The following CNGA4 variants were observed in gnomAD, a reference collection of about 807,000 sequenced individuals.
The protein encoded by CNGA4 is cyclic nucleotide gated channel subunit alpha 4, also known as cyclic nucleotide-gated channel alpha-4.
Under a neutral mutation model 45.6 loss-of-function variants are expected in CNGA4, and 32 were observed. The observed-to-expected ratio is 0.70, with a 90% confidence interval of 0.53 to 0.94. The LOEUF (loss-of-function observed/expected upper bound fraction) is 0.94. Among genes scored for constraint, CNGA4 ranks in the 40% least tolerant of loss-of-function variants. The probability of loss-of-function intolerance (pLI) is 0.00; values close to 1 mark genes in which losing one functional copy is unlikely to be tolerated. For missense variants in CNGA4, 726 were observed against 755.1 expected (o/e 0.96, Z 0.45); for synonymous variants, 293 against 304.6 (o/e 0.96, Z 0.40).
chr11:6,235,483 T>C (rs1477967050), upstream of CNGA4: 2 of 985,260 alleles, frequency 2.0e-6, no homozygotes, highest in Non-Finnish European at 2.4e-6. Flanking sequence ...GAGCAGCACT[T>C]AGCATGATTT....
intron 3 of CNGA4, 80 bp downstream of exon 3, chr11:6,239,870 A>C (rs1304907021): frequency 6.9e-7 from 1 of 1,444,710 alleles, no homozygotes; most frequent in African/African-American, 1.4e-5. Flanking sequence ...CAAGAAAGGC[A>C]CCCCCACCGT....
chr11:6,242,733 A>G (rs931885867), intron 5 of CNGA4, among the ~76,000 whole-genome samples: 5 of 152,182 alleles, frequency 3.3e-5, no homozygotes, highest in Admixed American at 6.5e-5. Context: ...GTGAGAATAA[A>G]TGAGCTATGT....
Position 6,241,675 on chromosome 11 carries a change from A to G in CNGA4, c.1162A>G (p.Ile388Val). The change falls in exon 5 of 6, where the codon ATC (isoleucine) becomes GTC (valine). Residue 388 changes from isoleucine to valine, a missense_variant. Ile to Val is a conservative substitution (Grantham distance 29, BLOSUM62 3). Transcript: ENST00000379936. ...AGACATTGGCCAAGAGATGTACATC[A>G]TCCGAGAGGGTCAACTGGCCGTGGT... ...KGDIGQEMYI[I>V]REGQLAVVAD... 6.2e-7 allele frequency: 1 copy of G among 1,614,208 alleles called. No homozygotes were observed. Among genetic ancestry groups the G allele is most frequent in the Non-Finnish European group, 8.5e-7 (1 of 1,180,036 alleles).
rs750099398 is a variant in CNGA4, at chr11:6,239,744, G to A, written c.225G>A (p.Thr75=). 1.5e-5 allele frequency: 24 copies of A among 1,614,014 alleles called. No homozygotes were observed. Among genetic ancestry groups the A allele is most frequent in the Middle Eastern group, 1.6e-4 (1 of 6,084 alleles). The change falls in exon 3 of 6, where the codon ACG becomes ACA. Residue 75 remains threonine (T), a synonymous_variant. Transcript: ENST00000379936. The part of the protein sequence containing the change: ...YLVAWLVLDY[T]SDLLYLLDMV... ...TGGCCTGGTTGGTGCTGGACTACAC[G>A]AGTGACCTGCTATACCTACTAGACA... is the stretch of plus-strand genomic sequence containing the variant.
At position 6,240,205 on chromosome 11, in the gene CNGA4, C is replaced by T. The variant is rs1274283999; in HGVS notation, c.411C>T (p.Pro137=). The change falls in exon 4 of 6, where the codon CCC becomes CCT. Residue 137 remains proline (P), a synonymous_variant. Coordinates refer to ENST00000379936, the MANE Select transcript of CNGA4 (RefSeq NM_001037329.4). This position sits in a 1 kb window ranked among gnomAD's most constrained non-coding sequence, Gnocchi z 4.9. The part of the protein sequence containing the change: ...VVYVRLGPHT[P]TLRLNRFLRA... The stretch of plus-strand genomic sequence containing the variant: ...ACGTGCGGCTGGGCCCGCACACACC[C>T]ACCCTGAGGCTGAACCGCTTTCTCC... 6.2e-7 allele frequency: 1 copy of T among 1,614,130 alleles called. No individual in the cohort carries two copies. Among genetic ancestry groups the T allele is most frequent in the African/African-American group, 1.3e-5 (1 of 74,960 alleles).
intron 3 of CNGA4, 88 bp from the exon 4 acceptor site, chr11:6,239,978 A>AAAGCCGGGAG: frequency 6.7e-7 from 1 of 1,501,004 alleles, no homozygotes; most frequent in South Asian, 1.3e-5. Flanking sequence ...TGTCCTTCAG[A>AAAGCCGGGAG]CAGTCTCCCT....
chr11:6,244,507 GAC>G, downstream of CNGA4: 2 of 1,209,694 alleles, frequency 1.7e-6, no homozygotes, highest in Non-Finnish European at 2.3e-6. The surrounding 1 kb of genome is among the most constrained non-coding windows in gnomAD (Gnocchi z 4.5). Context: ...CGAGATCACA[GAC>G]ACAGGAGCGA....
chr11:6,242,055 G>C (rs1421650524), intron 5 of CNGA4: 1 of 525,006 alleles, frequency 1.9e-6, no homozygotes, highest in Non-Finnish European at 3.4e-6. Flanking sequence ...CAATAGACTA[G>C]TGGACAGTGA....
upstream of CNGA4, chr11:6,235,541 G>A: frequency 2.0e-6 from 2 of 985,414 alleles, no homozygotes; most frequent in South Asian, 9.4e-5. Flanking sequence ...GCTTAGGGAA[G>A]ACTTCCGGGA....
intron 5 of CNGA4, 137 bp from the exon 6 acceptor site, chr11:6,243,812 C>A: frequency 1.3e-6 from 1 of 769,200 alleles, no homozygotes; most frequent in Non-Finnish European, 2.1e-6. Flanking sequence ...CAGTATGTTA[C>A]TAAATGAAAG....
At chr11:6,242,915 G>T (rs1458968956) in intron 5 of CNGA4, among the ~76,000 whole-genome samples, 2 of 152,056 alleles carry the variant, frequency 1.3e-5, no homozygotes, top group African/African-American at 4.8e-5. Context: ...ATATCATACA[G>T]CTCCCTGCTT....
rs1847917754 is a variant in CNGA4, at chr11:6,241,507, G to T, written c.994G>T (p.Ala332Ser). 1 of 1,613,432 alleles carries T rather than the reference G, an allele frequency of 6.2e-7. No individual in the cohort carries two copies. Among genetic ancestry groups the T allele is most frequent in the African/African-American group, 1.3e-5 (1 of 74,920 alleles). Reference protein sequence around the residue: ...ILQHLPERLRAEVAVSVHLST... With the variant: ...ILQHLPERLRSEVAVSVHLST... The stretch of plus-strand genomic sequence containing the variant: ...ACAGCACTTGCCTGAGCGGCTGCGG[G>T]CAGAAGTGGCTGTGTCTGTGCACCT... The change falls in exon 5 of 6, where the codon GCA (alanine) becomes TCA (serine). Residue 332 changes from alanine (A) to serine (S), a missense_variant. By Grantham distance (99) the Ala-to-Ser change is moderately conservative. Transcript: ENST00000379936.
Position 6,241,711 on chromosome 11 carries a change from G to A in CNGA4, c.1198G>A (p.Gly400Ser). ...TCAACTGGCCGTGGTGGCAGATGAT[G>A]GTATCACACAGTATGCTGTGCTCGG... ...EGQLAVVADDGITQYAVLGAG... is the reference protein window; with the variant it reads ...EGQLAVVADDSITQYAVLGAG... Residue 400 changes from glycine to serine, a missense_variant, in exon 5 of 6, where the codon GGT (glycine) becomes AGT (serine). By Grantham distance (56) the Gly-to-Ser change is moderately conservative (BLOSUM62 0). Coordinates refer to ENST00000379936, the MANE Select transcript of CNGA4 (RefSeq NM_001037329.4). The A allele has an allele frequency of 6.2e-7, 1 of 1,614,188 alleles. No individual in the cohort carries two copies. Among genetic ancestry groups the A allele is most frequent in the South Asian group, 1.1e-5 (1 of 91,082 alleles).
intron 5 of CNGA4, 81 bp from the exon 6 acceptor site, chr11:6,243,868 T>C: frequency 7.8e-7 from 1 of 1,275,580 alleles, no homozygotes; most frequent in Non-Finnish European, 1.1e-6. Flanking sequence ...AATATGGAGG[T>C]GAAGGTCCTG....
upstream of CNGA4, chr11:6,235,638 T>C (rs555420060): frequency 7.0e-5 from 56 of 804,728 alleles, no homozygotes; most frequent in South Asian, 8.5e-4. Flanking sequence ...ATAAGGCATG[T>C]AGTTTTAAAA....
Position 6,240,616 on chromosome 11 carries a change from T to G in CNGA4, c.822T>G (p.Thr274=), listed in dbSNP as rs1288562037. The G allele has an allele frequency of 6.2e-7, 1 of 1,614,192 alleles. No homozygotes were observed. Residue 274 remains threonine (T), a synonymous_variant, in exon 4 of 6, where the codon ACT becomes ACG. Coordinates refer to ENST00000379936, the MANE Select transcript of CNGA4 (RefSeq NM_001037329.4). This position sits in a 1 kb window ranked among gnomAD's most constrained non-coding sequence, Gnocchi z 4.9. ...SMSSVIYNMN[T]ADAAFYPDHA... ...GCTCTGTCATCTACAACATGAACAC[T>G]GCAGATGCGGCTTTCTACCCAGATC... is the stretch of plus-strand genomic sequence containing the variant.
intron 3 of CNGA4, 88 bp downstream of exon 3, chr11:6,239,878 C>G: frequency 7.1e-7 from 1 of 1,406,934 alleles, no homozygotes; most frequent in Non-Finnish European, 9.8e-7. Context: ...GCACCCCCAC[C>G]GTGGTAGCAC....
chr11:6,240,030 C>G lies in CNGA4; in HGVS notation c.272-36C>G, dbSNP rs577153328. 6.4e-7 allele frequency: 1 copy of G among 1,573,674 alleles called. No individual in the cohort carries two copies. The highest frequency in any genetic ancestry group is 1.3e-5 in the African/African-American group (1 of 74,168). On this transcript the variant is annotated intron_variant, in intron 3 of 5. Coordinates refer to ENST00000379936, the MANE Select transcript of CNGA4 (RefSeq NM_001037329.4). This position sits in a 1 kb window ranked among gnomAD's most constrained non-coding sequence, Gnocchi z 4.9. ...CTCATGCTCAGCCCAAGCTTGACTA[C>G]AGCAGGTCCGCTTCCTACCGGCTCC...
At chr11:6,241,299 G>C in intron 4 of CNGA4, 132 bp from the exon 5 acceptor site, 1 of 709,520 alleles carries the variant, frequency 1.4e-6, no homozygotes, top group Non-Finnish European at 2.4e-6. Flanking sequence ...CCAACTGTCA[G>C]GTACTCCCAT....
Sources: gnomAD v4.1 joint callset for allele counts (sites outside exome capture counted in the v4.1 genomes callset) on GRCh38, gnomAD v4.1.1 for gene constraint, Gnocchi (gnomAD v3.1) non-coding constraint, MANE v1.5 for transcripts, NCBI Gene and HGNC (gene_info 2026-07-23, HGNC 2026-07-21) for gene names.